Variants in SGMS1 observed in about 807,000 individuals in gnomAD.
SGMS1 encodes the protein phosphatidylcholine:ceramide cholinephosphotransferase 1.
Under a neutral mutation model 46.2 loss-of-function variants are expected in SGMS1, and 13 were observed. The observed-to-expected ratio is 0.28, with a 90% CI of 0.18 to 0.45. The LOEUF is 0.45. Among genes scored for constraint, SGMS1 ranks in the 20% least tolerant of loss-of-function variants. SGMS1 has a pLI of 1.00. For synonymous variants in SGMS1, 203 were observed against 187.8 expected (o/e 1.08, Z -0.66); for missense variants, 324 against 519.9 (o/e 0.62, Z 3.66).
chr10:50,532,203 C>T (rs1837960537), intron 2 of SGMS1, among the ~76,000 whole-genome samples: 1 of 149,684 alleles, frequency 6.7e-6, no homozygotes, highest in Non-Finnish European at 1.5e-5. Flanking sequence ...GGCATGTCTC[C>T]ACGGTCCCAG....
intron 2 of SGMS1, among the ~76,000 whole-genome samples, chr10:50,579,053 T>A (rs1838409945): frequency 6.6e-6 from 1 of 151,752 alleles, no homozygotes; most frequent in African/African-American, 2.4e-5. Flanking sequence ...CAAAAAAAGC[T>A]TAAAAAGTTA....
At chr10:50,425,543 A>G (rs1849314028) in intron 6 of SGMS1, among the ~76,000 whole-genome samples, 1 of 152,206 alleles carries the variant, frequency 6.6e-6, no homozygotes, top group African/African-American at 2.4e-5. Context: ...GGACCTAAAC[A>G]TTGGGTGCAC....
At chr10:50,540,888 G>C (rs1348926098) in intron 2 of SGMS1, among the ~76,000 whole-genome samples, 2 of 152,204 alleles carry the variant, frequency 1.3e-5, no homozygotes, top group Admixed American at 1.3e-4. Context: ...GGGTGGAAAA[G>C]AGTCACAGTG....
At chr10:50,522,043 G>A (rs1473988178) in intron 2 of SGMS1, among the ~76,000 whole-genome samples, 1 of 152,080 alleles carries the variant, frequency 6.6e-6, no homozygotes, top group African/African-American at 2.4e-5. Flanking sequence ...ATACTGTGAT[G>A]GCTGCAACAT....
At chr10:50,601,600 A>G (rs1193355603) in intron 1 of SGMS1, among the ~76,000 whole-genome samples, 3 of 152,228 alleles carry the variant, frequency 2.0e-5, no homozygotes, top group African/African-American at 7.2e-5. Flanking sequence ...GCAGCCAATA[A>G]AAGAGGAATT....
rs540425946 is a variant in SGMS1, at chr10:50,560,484, A to G, written c.-589+29669T>C. ...AACATATAATACATATATGTAATAC[A>G]TATTACATAATACATAAATACATAT... On this transcript the variant is annotated intron_variant, in intron 2 of 10. Coordinates refer to ENST00000361781, the MANE Select transcript of SGMS1 (RefSeq NM_147156.4). Among the ~76,000 whole-genome samples the G allele has an allele frequency of 2.2e-4, 31 of 142,418 alleles. No homozygotes were observed. The South Asian group carries it at 6.7e-3, about 31-fold the overall frequency. 93.4% of individuals were successfully genotyped at this position (142,418 alleles called of 152,430 possible). A position where few individuals can be genotyped will look rare whatever the true frequency, so the allele number is the denominator to read the frequency against.
At chr10:50,589,194 A>ATATTCAGAT (rs1458651173) in intron 2 of SGMS1, among the ~76,000 whole-genome samples, 3 of 152,138 alleles carry the variant, frequency 2.0e-5, no homozygotes, top group Non-Finnish European at 4.4e-5. Context: ...CCATGCCTTT[A>ATATTCAGAT]TATTCAGATT....
intron 7 of SGMS1, chr10:50,334,960 AT>A (rs1386295795): frequency 1.3e-5 from 2 of 152,336 alleles, no homozygotes; most frequent in Middle Eastern, 3.4e-3. Flanking sequence ...GTGGGAGAAA[AT>A]TCCAGAGGCT....
chr10:50,369,747 C>A (rs1272825800), intron 6 of SGMS1, among the ~76,000 whole-genome samples: 2 of 152,210 alleles, frequency 1.3e-5, no homozygotes, highest in African/African-American at 4.8e-5. Context: ...GCCAATTCTA[C>A]CTCTTAAGTA....
At chr10:50,542,282 TCTC>T (rs1838059877) in intron 2 of SGMS1, among the ~76,000 whole-genome samples, 2 of 152,312 alleles carry the variant, frequency 1.3e-5, no homozygotes, top group Admixed American at 1.3e-4. Flanking sequence ...TGTTTATTAT[TCTC>T]CTTAAGATTA....
chr10:50,388,478 A>T (rs1214039490), intron 6 of SGMS1, among the ~76,000 whole-genome samples: 2 of 151,246 alleles, frequency 1.3e-5, no homozygotes, highest in Non-Finnish European at 3.0e-5. Flanking sequence ...TACTAAAAAA[A>T]AAAAAAAAAA....
chr10:50,566,648 T>C (rs1407400912), intron 2 of SGMS1, among the ~76,000 whole-genome samples: 3 of 152,220 alleles, frequency 2.0e-5, no homozygotes, highest in African/African-American at 7.2e-5. Flanking sequence ...TAATTAATGC[T>C]GGAAAATTTT....
intron 2 of SGMS1, among the ~76,000 whole-genome samples, chr10:50,552,412 C>G (rs565316665): frequency 3.3e-5 from 5 of 152,312 alleles, no homozygotes; most frequent in African/African-American, 1.2e-4. Flanking sequence ...TTGTAATCAA[C>G]TAAGTCTGAG....
At chr10:50,535,349 G>A (rs143971788) in intron 2 of SGMS1, among the ~76,000 whole-genome samples, 2 of 152,130 alleles carry the variant, frequency 1.3e-5, no homozygotes, top group Non-Finnish European at 2.9e-5. Context: ...GCTGCTGCAA[G>A]TATTTCCTTA....
chr10:50,539,120 G>A (rs1288291062), intron 2 of SGMS1, among the ~76,000 whole-genome samples: 1 of 152,238 alleles, frequency 6.6e-6, no homozygotes, highest in Non-Finnish European at 1.5e-5. Context: ...TGGTGAGCAT[G>A]AAGGGCACTG....
intron 6 of SGMS1, among the ~76,000 whole-genome samples, chr10:50,355,960 G>T (rs1848139756): frequency 6.6e-6 from 1 of 151,668 alleles, no homozygotes; most frequent in Non-Finnish European, 1.5e-5. Context: ...TCTCTGACCG[G>T]CCGCCCCGTC....
intron 2 of SGMS1, among the ~76,000 whole-genome samples, chr10:50,564,888 G>A (rs929302698): frequency 6.6e-6 from 1 of 151,674 alleles, no homozygotes; most frequent in African/African-American, 2.4e-5. Flanking sequence ...ATTTAAAAGG[G>A]CTACGTTCAC....
intron 3 of SGMS1, among the ~76,000 whole-genome samples, chr10:50,496,039 C>G (rs964017148): frequency 6.6e-6 from 1 of 152,074 alleles, no homozygotes; most frequent in African/African-American, 2.4e-5. Context: ...CCATACCTGT[C>G]GGTTTTCCTT....
At chr10:50,462,983 A>G (rs1837283786) in intron 4 of SGMS1, among the ~76,000 whole-genome samples, 1 of 152,102 alleles carries the variant, frequency 6.6e-6, no homozygotes, top group East Asian at 1.9e-4. Context: ...GTGTATTAAA[A>G]AAAAAGACCC....
Sources: allele counts gnomAD v4.1 joint callset (sites outside exome capture counted in the v4.1 genomes callset), GRCh38; gene constraint gnomAD v4.1.1; transcripts MANE v1.5; gene names NCBI Gene and HGNC (gene_info 2026-07-23, HGNC 2026-07-21).